The following RECQL5 variants were observed in gnomAD, a reference collection of about 807,000 sequenced individuals.
The protein encoded by RECQL5 is ATP-dependent DNA helicase Q5.
A neutral mutation model predicts 103.4 loss-of-function variants in RECQL5; 88 were observed. The observed-to-expected ratio is 0.85, with a 90% CI of 0.72 to 1.02. The LOEUF (loss-of-function observed/expected upper bound fraction) is 1.02. RECQL5 is among the 50% of genes least tolerant of loss of function. RECQL5 has a pLI of 0.00. For synonymous variants in RECQL5, 552 were observed against 507.9 expected, an observed-to-expected ratio of 1.09 and a Z score of -1.17; for missense variants, 1,232 against 1,284.3, an observed-to-expected ratio of 0.96 and a Z score of 0.62.
In RECQL5 at chr17:75,626,935, G is replaced by T. The variant is rs949438962; in HGVS notation, c.*487C>A. ...TGTCAGGCCTGGCCTTCCTGAGCAGGAGCTGAGCAGGAACAGGGCCTGGCT... is the reference window on the plus strand; with the variant it reads ...TGTCAGGCCTGGCCTTCCTGAGCAGTAGCTGAGCAGGAACAGGGCCTGGCT... On this transcript the variant is annotated 3_prime_UTR_variant, in exon 20 of 20. Transcript: ENST00000317905. 7 of 353,520 alleles carry T rather than the reference G, an allele frequency of 2.0e-5. No homozygotes were observed. The highest frequency in any genetic ancestry group is 1.5e-4 in the African/African-American group (7 of 46,920). The allele number at this position is 353,520 out of a possible 1,614,324, so 21.9% of individuals were successfully genotyped here.
rs2059151164 is a variant in RECQL5, at chr17:75,628,717, G to A, written c.2535C>T (p.Thr845=). ...TGCCCTTCCATGTGTCCTTTGCAGGGGTGGGCTGGACTTCAGGGGTGCCCT... is the reference window on the plus strand; with the variant it reads ...TGCCCTTCCATGTGTCCTTTGCAGGAGTGGGCTGGACTTCAGGGGTGCCCT... ...RDQGTPEVQP[T]PAKDTWKGKR... Residue 845 remains threonine, a synonymous_variant, in exon 17 of 20, where the codon ACC becomes ACT. Transcript: ENST00000317905. 6.3e-7 allele frequency: 1 copy of A among 1,591,294 alleles called. No individual in the cohort carries two copies. Among genetic ancestry groups the A allele is most frequent in the Non-Finnish European group, 8.5e-7 (1 of 1,174,550 alleles).
At position 75,653,620 on chromosome 17, in the gene RECQL5, C is replaced by T. The variant is rs371284623; in HGVS notation, c.1150-2355G>A. ...AATACAGAAAAGGAAAAAAAGAGCC[C>T]GGGCATGGTGGCTTATGCCTGTAAT... On this transcript the variant is annotated intron_variant, in intron 7 of 19. Coordinates refer to ENST00000317905, the MANE Select transcript of RECQL5 (RefSeq NM_004259.7). Among the ~76,000 whole-genome samples the T allele has an allele frequency of 8.3e-4, 127 of 152,222 alleles. 2 individuals carry two copies. The South Asian group carries it at 0.017, about 21-fold the overall frequency.
Position 75,653,434 on chromosome 17 carries a change from C to T in RECQL5, c.1150-2169G>A, listed in dbSNP as rs535407893. On this transcript the variant is annotated intron_variant, in intron 7 of 19. Coordinates refer to ENST00000317905, the MANE Select transcript of RECQL5 (RefSeq NM_004259.7). ...CTCTGGTGCAGCTCTGCTCAGAGACCGTTCCTGGCTTCACTCTGTTATAAG... is the reference window on the plus strand; with the variant it reads ...CTCTGGTGCAGCTCTGCTCAGAGACTGTTCCTGGCTTCACTCTGTTATAAG... Among the ~76,000 whole-genome samples, 12 of 152,310 alleles carry T rather than the reference C, an allele frequency of 7.9e-5. No homozygotes were observed. The South Asian group carries it at 1.0e-3, about 13-fold the overall frequency.
intron 8 of RECQL5, chr17:75,649,564 C>T (rs1039766295): frequency 2.3e-5 from 22 of 942,510 alleles, no homozygotes; most frequent in South Asian, 1.5e-4. Flanking sequence ...CCCAAGGGAT[C>T]GCTGGTGGGA....
intron 3 of RECQL5, among the ~76,000 whole-genome samples, chr17:75,663,573 A>C (rs2059727047): frequency 6.6e-6 from 1 of 152,114 alleles, no homozygotes; most frequent in Admixed American, 6.5e-5. Context: ...AGGGATGCTC[A>C]ATCTCTATGG....
intron 8 of RECQL5, among the ~76,000 whole-genome samples, chr17:75,632,648 C>G (rs1369478460): frequency 6.6e-6 from 1 of 152,198 alleles, no homozygotes; most frequent in Non-Finnish European, 1.5e-5. Flanking sequence ...AGGGAGCAGC[C>G]TCTGGCTGGC....
Position 75,630,905 on chromosome 17 carries a change from C to A in RECQL5, c.1586-68G>T, listed in dbSNP as rs929359723. On this transcript the variant is annotated intron_variant, in intron 11 of 19. Coordinates refer to ENST00000317905, the MANE Select transcript of RECQL5 (RefSeq NM_004259.7). ...TCTGCGCTCTGAGGTCCCCCACAGC[C>A]CGGATGAGAATCCTCCCTCCATGCC... 6 of 1,589,680 alleles carry A rather than the reference C, an allele frequency of 3.8e-6. No homozygotes were observed. In the African/African-American group the frequency reaches 4.0e-5, roughly 11 times the overall value.
chr17:75,650,449 G>A, intron 8 of RECQL5: 1 of 1,339,890 alleles, frequency 7.5e-7, no homozygotes, highest in Non-Finnish European at 9.6e-7. Context: ...TCAGGAGACG[G>A]GTGTTTAGTG....
In RECQL5 at chr17:75,631,180, G is replaced by A. The variant is rs781153610; in HGVS notation, c.1518C>T (p.Leu506=). The A allele has an allele frequency of 3.1e-6, 5 of 1,613,816 alleles. No individual in the cohort carries two copies. The highest frequency in any genetic ancestry group is 4.2e-6 in the Non-Finnish European group (5 of 1,180,034). ...GCAGCTGCATCTGCTTCTGATAGAAGAGGTTCCACTCCCGCTTGTGGGCCT... is the reference window on the plus strand; with the variant it reads ...GCAGCTGCATCTGCTTCTGATAGAAAAGGTTCCACTCCCGCTTGTGGGCCT... The part of the protein sequence containing the change: ...RDEAHKREWN[L]FYQKQMQLRK... The change falls in exon 10 of 20, where the codon CTC becomes CTT. Residue 506 remains leucine, a synonymous_variant. Coordinates refer to ENST00000317905, the MANE Select transcript of RECQL5 (RefSeq NM_004259.7).
rs75766758 is a variant in RECQL5 at position 75,644,283 on chromosome 17, C to A, written c.1229+6903G>T. Among the ~76,000 whole-genome samples, 575 of 151,868 alleles carry A rather than the reference C, an allele frequency of 3.8e-3. 2 individuals carry two copies. The highest frequency in any genetic ancestry group is 0.013 in the African/African-American group (527 of 41,390). On this transcript the variant is annotated intron_variant, in intron 8 of 19. Coordinates refer to ENST00000317905, the MANE Select transcript of RECQL5 (RefSeq NM_004259.7). ...TCACGCCACCGCACTCCAGCCTGAGCGACAGAGTGAGATTCCGTCTCAAGC... is the reference window on the plus strand; with the variant it reads ...TCACGCCACCGCACTCCAGCCTGAGAGACAGAGTGAGATTCCGTCTCAAGC...
At position 75,630,994 on chromosome 17, in the gene RECQL5, A is replaced by C. The variant is rs1489948307; in HGVS notation, c.1565T>G (p.Ile522Arg). 3.1e-6 allele frequency: 5 copies of C among 1,613,828 alleles called. No individual in the cohort carries two copies. The East Asian group carries it at 8.9e-5, about 29-fold the overall frequency. Residue 522 changes from isoleucine (I) to arginine (R), a missense_variant, in exon 11 of 20, where the codon ATA becomes AGA. Transcript: ENST00000317905. ...MQLRKGKDPK[I>R]EEFVPPDENC... ...CTGACCTGGGGGTACAAATTCTTCT[A>C]TCTTGGGGTCTTTGCCCTGGAGGAC...
At chr17:75,665,213 C>T (rs915633442) in intron 2 of RECQL5, 41 bp from the exon 3 acceptor site, 2 of 1,571,334 alleles carry the variant, frequency 1.3e-6, no homozygotes, top group Non-Finnish European at 1.7e-6. Context: ...TGCTTCCTGC[C>T]TTTTCATTGA....
intron 7 of RECQL5, chr17:75,652,572 G>C (rs1461939141): frequency 6.5e-6 from 1 of 152,748 alleles, no homozygotes; most frequent in Non-Finnish European, 1.5e-5. Flanking sequence ...CCTGCCTGCA[G>C]GTAGGGAGCA....
Position 75,662,570 on chromosome 17 carries a change from T to A in RECQL5, c.680A>T (p.Tyr227Phe). The change falls in exon 4 of 20, where the codon TAT (tyrosine) becomes TTT (phenylalanine). Residue 227 changes from tyrosine to phenylalanine, a missense_variant. Transcript: ENST00000317905. ...AATCAGTTCCTTGAATTGCACATCA[T>A]AGAAGAGGTTGGCCCGGAAGCAGGG... ...KTPCFRANLF[Y>F]DVQFKELISD... 6.2e-7 allele frequency: 1 copy of A among 1,614,132 alleles called. No individual in the cohort carries two copies. The highest frequency in any genetic ancestry group is 8.5e-7 in the Non-Finnish European group (1 of 1,180,022).
chr17:75,627,642 C>T lies in RECQL5; in HGVS notation c.2856G>A (p.Lys952=). The T allele has an allele frequency of 6.2e-7, 1 of 1,612,748 alleles. No individual in the cohort carries two copies. The highest frequency in any genetic ancestry group is 8.5e-7 in the Non-Finnish European group (1 of 1,179,442). The change falls in exon 19 of 20, where the codon AAG becomes AAA. Residue 952 remains lysine (K), a synonymous_variant. Coordinates refer to ENST00000317905, the MANE Select transcript of RECQL5 (RefSeq NM_004259.7). ...GCTCACCGCTCCTTCCAGGAGAGGT[C>T]TTCTGAGTCAGCAAGTGTGAGAGGT... ...ARHLSHLLTQ[K]TSPGRSVKEE...
rs776175266 is a variant in RECQL5, at chr17:75,630,711, A to G, written c.1645-19T>C. 3.7e-6 allele frequency: 6 copies of G among 1,612,066 alleles called. No individual in the cohort carries two copies. In the African/African-American group the frequency reaches 5.3e-5, roughly 14 times the overall value. On this transcript the variant is annotated intron_variant, in intron 12 of 19. Transcript: ENST00000317905. ...CCCGTGCCTGGCACAGGACAGTGAG[A>G]CTGGTCGCATGGCCTCGCGGCTGGG... is the stretch of plus-strand genomic sequence containing the variant.
Position 75,630,259 on chromosome 17 carries a change from CT to C in RECQL5, c.1736del (p.Lys579ArgfsTer24). On this transcript the variant is annotated frameshift_variant, in exon 14 of 20. Transcript: ENST00000317905. LOFTEE classifies it high-confidence loss of function. ...ATGTCTCATGTTCCAGCTCCACGGC[CT>C]TGGCCCGGAGGTCAGCTCTGTGGGT... ...RTADEADLRA[K>X]AVELEHETFR... 1 of 1,560,784 alleles carries C rather than the reference CT, an allele frequency of 6.4e-7. No individual in the cohort carries two copies.
chr17:75,650,500 G>A (rs1198293457), intron 8 of RECQL5: 4 of 1,415,116 alleles, frequency 2.8e-6, no homozygotes, highest in Admixed American at 2.6e-5. Context: ...GACCTCTCTG[G>A]ACCTCAATTT....
intron 8 of RECQL5, among the ~76,000 whole-genome samples, chr17:75,643,046 T>A (rs1465158199): frequency 2.0e-5 from 3 of 152,222 alleles, no homozygotes; most frequent in Non-Finnish European, 4.4e-5. Flanking sequence ...CAGGACTGGG[T>A]GGGACCCAAC....
Sources: gnomAD v4.1 joint callset for allele counts (sites outside exome capture counted in the v4.1 genomes callset) on GRCh38, gnomAD v4.1.1 for gene constraint, MANE v1.5 for transcripts, NCBI Gene and HGNC (gene_info 2026-07-23, HGNC 2026-07-21) for gene names.